The following TTC6 variants were observed in gnomAD, a reference collection of about 807,000 sequenced individuals.
The protein encoded by TTC6 is tetratricopeptide repeat domain 6.
Under a neutral mutation model 210.4 loss-of-function variants are expected in TTC6, and 172 were observed. The ratio of observed to expected loss-of-function variants is 0.82; its 90% CI spans 0.72 to 0.93. TTC6 has a LOEUF of 0.93. Ranked by LOEUF, TTC6 falls within the 40% of genes least tolerant of loss-of-function variation. TTC6 has a pLI of 0.00. For synonymous variants in TTC6, 804 were observed against 819.6 expected, an observed-to-expected ratio of 0.98 and a Z score of 0.32; for missense variants, 2,414 against 2,318.1, an observed-to-expected ratio of 1.04 and a Z score of -0.85.
Position 37,598,149 on chromosome 14 carries a change from AC to A in TTC6, c.-235+2143del, listed in dbSNP as rs1347542749. On this transcript the variant is annotated intron_variant, in intron 1 of 2. Transcript: ENST00000556845. The surrounding 1 kb of genome is among the most constrained non-coding windows in gnomAD (Gnocchi z 4.9). ...TTCCAACCTCTTTTCCCAAATAGGCACCTACACCATTGGAAACTGTGCTTTG... is the reference window on the plus strand; with the variant it reads ...TTCCAACCTCTTTTCCCAAATAGGCACTACACCATTGGAAACTGTGCTTTG... 6.6e-6 allele frequency among the ~76,000 whole-genome samples: 1 copy of A among 152,092 alleles called. No individual in the cohort carries two copies. The highest frequency in any genetic ancestry group is 1.5e-5 in the Non-Finnish European group (1 of 68,012).
exon 15 of TTC6, chr14:37,787,521 A>G: frequency 6.5e-7 from 1 of 1,531,904 alleles, no homozygotes; most frequent in Non-Finnish European, 8.7e-7. Context: ...GAAGCAACTC[A>G]AGATTTTTCT....
chr14:37,629,924 T>C (rs1199710765), intron 1 of TTC6, among the ~76,000 whole-genome samples: 1 of 152,224 alleles, frequency 6.6e-6, no homozygotes, highest in Non-Finnish European at 1.5e-5. Flanking sequence ...GATTTGAGTA[T>C]GTTGAACCAG....
chr14:37,698,197 C>A (rs758680908), intron 4 of TTC6, among the ~76,000 whole-genome samples: 6 of 152,064 alleles, frequency 3.9e-5, no homozygotes, highest in African/African-American at 1.4e-4. Flanking sequence ...ATTTACTGTT[C>A]CTTTTTCTTT....
intron 1 of TTC6, among the ~76,000 whole-genome samples, chr14:37,605,841 C>T (rs1175697461): frequency 6.6e-6 from 1 of 152,006 alleles, no homozygotes; most frequent in African/African-American, 2.4e-5. Context: ...TTAGACCAGG[C>T]TCATTAGTGT....
At chr14:37,604,618 A>G (rs1275343862) in intron 1 of TTC6, among the ~76,000 whole-genome samples, 1 of 151,908 alleles carries the variant, frequency 6.6e-6, no homozygotes, top group African/African-American at 2.4e-5. Flanking sequence ...CGCCCTGGCT[A>G]TGTGTACCTC....
intron 20 of TTC6, among the ~76,000 whole-genome samples, chr14:37,802,959 C>G (rs567079994): frequency 6.4e-4 from 98 of 152,230 alleles, no homozygotes; most frequent in African/African-American, 2.1e-3. Context: ...TCTTGAACTC[C>G]TGACCTTAGG....
chr14:37,654,067 G>C (rs1350507882), intron 1 of TTC6, among the ~76,000 whole-genome samples: 1 of 151,772 alleles, frequency 6.6e-6, no homozygotes, highest in East Asian at 1.9e-4. Flanking sequence ...TGTTTCTATA[G>C]ATGCTTAATA....
chr14:37,707,099 C>T (rs2095836980), intron 5 of TTC6, among the ~76,000 whole-genome samples: 1 of 151,924 alleles, frequency 6.6e-6, no homozygotes, highest in Non-Finnish European at 1.5e-5. Flanking sequence ...GATATCTAAT[C>T]TTGTGATACA....
chr14:37,635,783 A>C (rs1224898011), intron 1 of TTC6, among the ~76,000 whole-genome samples: 6 of 152,096 alleles, frequency 3.9e-5, no homozygotes, highest in Admixed American at 3.9e-4. Flanking sequence ...GTTTGAGACC[A>C]ACCTGATCAA....
chr14:37,812,923 G>C (rs2096133003), intron 25 of TTC6, among the ~76,000 whole-genome samples: 1 of 152,106 alleles, frequency 6.6e-6, no homozygotes, highest in South Asian at 2.1e-4. Flanking sequence ...TATAGGCAAG[G>C]TTTTCAAAAG....
At chr14:37,724,783 AAGC>A (rs1456939410) in intron 6 of TTC6, 112 bp from the exon 9 acceptor site, 2 of 533,374 alleles carry the variant, frequency 3.7e-6, no homozygotes, top group African/African-American at 3.9e-5. Context: ...ATATTTTCAG[AAGC>A]TGTGGAACCA....
intron 1 of TTC6, among the ~76,000 whole-genome samples, chr14:37,630,065 G>C (rs1002849552): frequency 6.6e-6 from 1 of 151,980 alleles, no homozygotes; most frequent in Non-Finnish European, 1.5e-5. Context: ...AGGGTTTTTC[G>C]TGTCTCTGCC....
intron 1 of TTC6, among the ~76,000 whole-genome samples, chr14:37,638,341 G>C (rs2095685015): frequency 6.6e-6 from 1 of 152,054 alleles, no homozygotes; most frequent in South Asian, 2.1e-4. Flanking sequence ...TGCAACCTCT[G>C]CCTCCTGGGT....
chr14:37,726,345 A>G (rs1436034511), intron 7 of TTC6, among the ~76,000 whole-genome samples: 1 of 152,148 alleles, frequency 6.6e-6, no homozygotes. Flanking sequence ...GGGGTCATCA[A>G]TTTATCTCCT....
intron 17 of TTC6, among the ~76,000 whole-genome samples, chr14:37,794,185 A>G (rs2096086891): frequency 6.6e-6 from 1 of 152,146 alleles, no homozygotes; most frequent in African/African-American, 2.4e-5. Flanking sequence ...TGACTATATG[A>G]TTTATTAATT....
chr14:37,766,342 T>G (rs1348516190), intron 14 of TTC6, among the ~76,000 whole-genome samples: 2 of 152,182 alleles, frequency 1.3e-5, no homozygotes, highest in African/African-American at 4.8e-5. Context: ...AATACGTAGT[T>G]TTTTGTTCCT....
intron 6 of TTC6, among the ~76,000 whole-genome samples, chr14:37,724,144 T>G (rs890312496): frequency 6.6e-6 from 1 of 152,122 alleles, no homozygotes; most frequent in African/African-American, 2.4e-5. Flanking sequence ...CATACTTGTT[T>G]CATGTTTTTT....
intron 4 of TTC6, among the ~76,000 whole-genome samples, chr14:37,697,904 C>G (rs907337396): frequency 2.0e-5 from 3 of 152,014 alleles, no homozygotes; most frequent in Non-Finnish European, 4.4e-5. Context: ...TGGCCACACA[C>G]AGAGTCAGAG....
At chr14:37,657,105 G>A (rs1468238977) in intron 1 of TTC6, among the ~76,000 whole-genome samples, 2 of 151,028 alleles carry the variant, frequency 1.3e-5, no homozygotes, top group Admixed American at 1.3e-4. Context: ...CCAGCTACTC[G>A]GCAGGCTGAG....
Sources: gnomAD v4.1 joint callset for allele counts (sites outside exome capture counted in the v4.1 genomes callset) on GRCh38, gnomAD v4.1.1 for gene constraint, Gnocchi (gnomAD v3.1) non-coding constraint, MANE v1.5 for transcripts, NCBI Gene and HGNC (gene_info 2026-07-23, HGNC 2026-07-21) for gene names.